SHISA6: variants seen among roughly 807,000 people sequenced by gnomAD.
SHISA6 encodes the protein protein shisa-6.
Under a neutral mutation model 47.9 loss-of-function variants are expected in SHISA6, and 22 were observed. That is an observed-to-expected ratio of 0.46 (90% CI 0.33 to 0.66). SHISA6 has a LOEUF of 0.66. Among genes scored for constraint, SHISA6 ranks in the 30% least tolerant of loss-of-function variants. The pLI, the probability that SHISA6 is intolerant of heterozygous loss-of-function variation, is 0.02. For missense variants in SHISA6, 680 were observed against 764.6 expected, an observed-to-expected ratio of 0.89 and a Z score of 1.30; for synonymous variants, 388 against 337.8, an observed-to-expected ratio of 1.15 and a Z score of -1.63.
At chr17:11,452,015 T>C (rs995210115) in intron 3 of SHISA6, among the ~76,000 whole-genome samples, 1 of 152,224 alleles carries the variant, frequency 6.6e-6, no homozygotes, top group Non-Finnish European at 1.5e-5. Context: ...GCTCATCCAC[T>C]GTGCAACTGC....
chr17:11,389,249 G>C (rs115162068), intron 3 of SHISA6, among the ~76,000 whole-genome samples: 5,553 of 152,196 alleles, frequency 0.036, 188 homozygotes, highest in Admixed American at 0.087. Flanking sequence ...GGTGGCAGGC[G>C]AAGCCACTGG....
chr17:11,439,329 A>G (rs1193372534), intron 3 of SHISA6, among the ~76,000 whole-genome samples: 1 of 152,158 alleles, frequency 6.6e-6, no homozygotes, highest in African/African-American at 2.4e-5. Flanking sequence ...ACGTACATCT[A>G]CGGGTGGGGG....
chr17:11,495,241 G>A (rs770902426), intron 3 of SHISA6, among the ~76,000 whole-genome samples: 5 of 152,178 alleles, frequency 3.3e-5, no homozygotes, highest in African/African-American at 4.8e-5. Context: ...GCTCCACTAC[G>A]TAGCTGCTGT....
At position 11,532,739 on chromosome 17, in the gene SHISA6, CTTTTTTTT is replaced by C. The variant is rs71142217; in HGVS notation, c.896-19139_896-19132del. On this transcript the variant is annotated intron_variant, in intron 3 of 5. Transcript: ENST00000441885. ...CATGCCTTTCCCCATTCTATCAGGG[CTTTTTTTT>C]TTTTTTTTTTTTTTTTTCATTTCAT... Among the ~76,000 whole-genome samples the C allele has an allele frequency of 8.7e-3, 621 of 71,362 alleles. 4 individuals carry two copies. Among genetic ancestry groups the C allele is most frequent in the African/African-American group, 0.033 (579 of 17,312 alleles). The allele number at this position is 71,362 out of a possible 152,430, so 46.8% of individuals were successfully genotyped here.
chr17:11,477,666 G>A lies in SHISA6; in HGVS notation c.896-74230G>A, dbSNP rs538393357. ...TTCCCACCTATGAGTGAGAATATGC[G>A]GTGTTTGGTTTTTTGTTCTTGCGAT... On this transcript the variant is annotated intron_variant, in intron 3 of 5. Coordinates refer to ENST00000441885, the MANE Select transcript of SHISA6 (RefSeq NM_207386.4). 1.7e-3 allele frequency among the ~76,000 whole-genome samples: 242 copies of A among 144,260 alleles called. 1 individual carries two copies. Among genetic ancestry groups the A allele is most frequent in the African/African-American group, 6.0e-3 (230 of 38,292 alleles). 94.6% of individuals were successfully genotyped at this position (144,260 alleles called of 152,430 possible).
intron 3 of SHISA6, among the ~76,000 whole-genome samples, chr17:11,409,323 T>C (rs1462171579): frequency 6.6e-6 from 1 of 152,206 alleles, no homozygotes; most frequent in African/African-American, 2.4e-5. Context: ...GGGTATGGAC[T>C]CACATGCAAG....
chr17:11,353,302 C>A (rs1911954852), intron 2 of SHISA6, among the ~76,000 whole-genome samples: 1 of 151,956 alleles, frequency 6.6e-6, no homozygotes, highest in Non-Finnish European at 1.5e-5. Flanking sequence ...ACTAAAAATT[C>A]AAAAATTAGC....
intron 3 of SHISA6, among the ~76,000 whole-genome samples, chr17:11,481,386 A>ATT (rs71142215): frequency 6.8e-6 from 1 of 147,766 alleles, no homozygotes; most frequent in Admixed American, 6.8e-5. Context: ...ATATATATAT[A>ATT]TTTAGAAACA....
chr17:11,506,470 T>G (rs2071499676), intron 3 of SHISA6, among the ~76,000 whole-genome samples: 1 of 152,170 alleles, frequency 6.6e-6, no homozygotes. Flanking sequence ...AATAGAAATA[T>G]TTTCCTTGTT....
intron 3 of SHISA6, among the ~76,000 whole-genome samples, chr17:11,398,781 T>C (rs894233303): frequency 6.6e-6 from 1 of 151,948 alleles, no homozygotes; most frequent in African/African-American, 2.4e-5. Flanking sequence ...TTAGTAGATA[T>C]GGGGTTTCAC....
intron 2 of SHISA6, among the ~76,000 whole-genome samples, chr17:11,301,535 AC>A (rs1909929250): frequency 6.6e-6 from 1 of 151,984 alleles, no homozygotes. Flanking sequence ...GGCTTTCCCC[AC>A]TCTGGTCACA....
chr17:11,353,264 C>G (rs551884481), intron 2 of SHISA6, among the ~76,000 whole-genome samples: 1 of 152,192 alleles, frequency 6.6e-6, no homozygotes, highest in Non-Finnish European at 1.5e-5. Flanking sequence ...CGAGGCCAGC[C>G]TGGCCAAGAT....
chr17:11,334,222 A>G (rs1196990992), intron 2 of SHISA6, among the ~76,000 whole-genome samples: 1 of 152,164 alleles, frequency 6.6e-6, no homozygotes, highest in East Asian at 1.9e-4. Flanking sequence ...TGAGCCTGTA[A>G]GTGCTGAGGT....
At chr17:11,324,766 C>T (rs1052706070) in intron 2 of SHISA6, among the ~76,000 whole-genome samples, 5 of 152,136 alleles carry the variant, frequency 3.3e-5, no homozygotes, top group African/African-American at 9.7e-5. Flanking sequence ...ACTTTAAAAT[C>T]TCAAACTACT....
At chr17:11,264,094 G>A (rs1445134888) in intron 2 of SHISA6, among the ~76,000 whole-genome samples, 4 of 152,078 alleles carry the variant, frequency 2.6e-5, no homozygotes, top group Non-Finnish European at 5.9e-5. Flanking sequence ...GAAGAAAATG[G>A]CAGGGCTTAT....
intron 3 of SHISA6, among the ~76,000 whole-genome samples, chr17:11,540,442 C>T (rs541379820): frequency 3.9e-5 from 6 of 152,194 alleles, no homozygotes; most frequent in African/African-American, 1.4e-4. Flanking sequence ...CCTGTGTACA[C>T]AGTTCTCCCT....
At chr17:11,300,807 G>C (rs545616919) in intron 2 of SHISA6, among the ~76,000 whole-genome samples, 1 of 152,034 alleles carries the variant, frequency 6.6e-6, no homozygotes, top group Admixed American at 6.5e-5. Context: ...TGAAATGCTA[G>C]TTGATAATTT....
At chr17:11,332,269 A>C (rs1911148972) in intron 2 of SHISA6, among the ~76,000 whole-genome samples, 1 of 151,620 alleles carries the variant, frequency 6.6e-6, no homozygotes, top group South Asian at 2.1e-4. Context: ...AAAGACAATA[A>C]TGTGTTTACC....
At chr17:11,453,616 A>G (rs1597523464) in intron 3 of SHISA6, among the ~76,000 whole-genome samples, 1 of 152,162 alleles carries the variant, frequency 6.6e-6, no homozygotes, top group Admixed American at 6.5e-5. Flanking sequence ...TCTGCCTCTC[A>G]CTTCTTTTCT....
Sources: gnomAD v4.1 joint callset for allele counts (sites outside exome capture counted in the v4.1 genomes callset) on GRCh38, gnomAD v4.1.1 for gene constraint, MANE v1.5 for transcripts, NCBI Gene and HGNC (gene_info 2026-07-23, HGNC 2026-07-21) for gene names.